Variants in GALNT13 observed in about 807,000 individuals in gnomAD.
GALNT13 encodes polypeptide N-acetylgalactosaminyltransferase 13.
In GALNT13, 28 loss-of-function variants were observed where a neutral mutation model predicts 64.2. The ratio of observed to expected loss-of-function variants is 0.44; its 90% CI spans 0.32 to 0.60. The LOEUF is 0.60. Among genes scored for constraint, GALNT13 ranks in the 20% least tolerant of loss-of-function variants. The pLI is 0.05. For missense variants in GALNT13, 577 were observed against 669.8 expected, an observed-to-expected ratio of 0.86 and a Z score of 1.53; for synonymous variants, 214 against 224.6, an observed-to-expected ratio of 0.95 and a Z score of 0.42.
the GALNT13 span, among the ~76,000 whole-genome samples, chr2:153,670,569 G>A: frequency 1.3e-5 from 2 of 152,160 alleles, no homozygotes; most frequent in East Asian, 3.9e-4. Context: ...AAGACCAAAG[G>A]TAGATAAAAC....
intron 3 of GALNT13, among the ~76,000 whole-genome samples, chr2:154,085,878 A>G (rs1258829066): frequency 5.3e-5 from 8 of 151,966 alleles, no homozygotes; most frequent in East Asian, 1.9e-4. Flanking sequence ...TTCTTGGACA[A>G]CAGAGTGGGG....
the GALNT13 span, among the ~76,000 whole-genome samples, chr2:153,768,920 T>G: frequency 6.6e-6 from 1 of 152,186 alleles, no homozygotes; most frequent in African/African-American, 2.4e-5. Context: ...ATGGCTACTC[T>G]GGCTCATTTC....
intron 2 of GALNT13, among the ~76,000 whole-genome samples, chr2:153,935,433 T>A (rs892177530): frequency 2.0e-5 from 3 of 152,232 alleles, no homozygotes; most frequent in African/African-American, 7.2e-5. Flanking sequence ...TACATTGGTC[T>A]GATTAAGCAT....
At chr2:153,976,147 C>T (rs1694062958) in intron 3 of GALNT13, among the ~76,000 whole-genome samples, 1 of 152,032 alleles carries the variant, frequency 6.6e-6, no homozygotes, top group Non-Finnish European at 1.5e-5. Context: ...ATTGTGTTTA[C>T]AACCTGTAGA....
At chr2:154,138,806 C>G (rs1683096083) in intron 3 of GALNT13, among the ~76,000 whole-genome samples, 1 of 151,882 alleles carries the variant, frequency 6.6e-6, no homozygotes, top group Non-Finnish European at 1.5e-5. Flanking sequence ...ATAACGTCAT[C>G]TGAGTTTAGG....
At chr2:153,134,946 C>A in the GALNT13 span, among the ~76,000 whole-genome samples, 1 of 152,122 alleles carries the variant, frequency 6.6e-6, no homozygotes, top group Non-Finnish European at 1.5e-5. Flanking sequence ...AGAAAGATGA[C>A]AGAAAGAAGA....
At chr2:153,744,251 C>T in the GALNT13 span, among the ~76,000 whole-genome samples, 4 of 152,080 alleles carry the variant, frequency 2.6e-5, no homozygotes, top group Admixed American at 6.6e-5. Flanking sequence ...GAGAAACCTC[C>T]AAACTGCTCT....
the GALNT13 span, among the ~76,000 whole-genome samples, chr2:153,078,817 G>A: frequency 6.6e-6 from 1 of 151,976 alleles, no homozygotes; most frequent in Admixed American, 6.6e-5. Context: ...TAATGAATGG[G>A]TGTTAAAATT....
intron 3 of GALNT13, among the ~76,000 whole-genome samples, chr2:154,131,252 G>T (rs1393571580): frequency 1.3e-5 from 2 of 150,112 alleles, no homozygotes; most frequent in Non-Finnish European, 2.9e-5. Context: ...TTGTATATAA[G>T]AAGCGTATGA....
chr2:153,492,264 ATGAG>A, the GALNT13 span, among the ~76,000 whole-genome samples: 7 of 152,238 alleles, frequency 4.6e-5, no homozygotes, highest in African/African-American at 9.6e-5. Context: ...ACCCTAAAGT[ATGAG>A]TGAGTAAGGA....
Position 154,186,587 on chromosome 2 carries a change from A to T in GALNT13, c.311+46082A>T, listed in dbSNP as rs116638517. ...AGTACAAATGTCAACTCTGTGACAA[A>T]GGCAAATATCTTAGTTTTGCTTTGA... On this transcript the variant is annotated intron_variant, in intron 4 of 12. Coordinates refer to ENST00000392825, the MANE Select transcript of GALNT13 (RefSeq NM_052917.4). Among the ~76,000 whole-genome samples the T allele has an allele frequency of 4.6e-3, 698 of 152,256 alleles. 8 individuals carry two copies. The highest frequency in any genetic ancestry group is 0.016 in the African/African-American group (665 of 41,570).
chr2:153,162,547 G>GC, the GALNT13 span, among the ~76,000 whole-genome samples: 1 of 152,096 alleles, frequency 6.6e-6, no homozygotes, highest in Admixed American at 6.5e-5. Flanking sequence ...CAAGAAGTCA[G>GC]CCCCCCTGGG....
At chr2:153,303,533 C>T in the GALNT13 span, among the ~76,000 whole-genome samples, 1 of 151,992 alleles carries the variant, frequency 6.6e-6, no homozygotes, top group Non-Finnish European at 1.5e-5. Flanking sequence ...ATTTAGATAC[C>T]TTTTGTTTCT....
intron 3 of GALNT13, among the ~76,000 whole-genome samples, chr2:154,130,459 T>C (rs1558975030): frequency 6.6e-6 from 1 of 152,182 alleles, no homozygotes; most frequent in East Asian, 1.9e-4. Context: ...TAAAATACTT[T>C]AGAGTATTTG....
At chr2:153,713,057 G>A in the GALNT13 span, among the ~76,000 whole-genome samples, 1 of 152,138 alleles carries the variant, frequency 6.6e-6, no homozygotes, top group Non-Finnish European at 1.5e-5. Context: ...CAATATATAG[G>A]TGAGTCACTT....
the GALNT13 span, among the ~76,000 whole-genome samples, chr2:153,245,180 C>G: frequency 6.6e-6 from 1 of 152,264 alleles, no homozygotes; most frequent in Non-Finnish European, 1.5e-5. Context: ...CAGAAAGGGA[C>G]AGCTGTGGGC....
chr2:153,883,550 C>G (rs919151499), intron 1 of GALNT13, among the ~76,000 whole-genome samples: 1 of 151,900 alleles, frequency 6.6e-6, no homozygotes, highest in Non-Finnish European at 1.5e-5. Context: ...CCTCAGCAAA[C>G]TATGGTTAAG....
the GALNT13 span, among the ~76,000 whole-genome samples, chr2:153,771,204 C>G: frequency 6.6e-6 from 1 of 152,182 alleles, no homozygotes; most frequent in Non-Finnish European, 1.5e-5. Context: ...ACTTAAGTTC[C>G]TAATCTGGTT....
the GALNT13 span, among the ~76,000 whole-genome samples, chr2:153,164,812 C>T: frequency 6.6e-6 from 1 of 152,124 alleles, no homozygotes; most frequent in Non-Finnish European, 1.5e-5. Flanking sequence ...ACTTTGTACT[C>T]ATTGTGCACC....
Sources: gnomAD v4.1 joint callset for allele counts (sites outside exome capture counted in the v4.1 genomes callset) on GRCh38, gnomAD v4.1.1 for gene constraint, MANE v1.5 for transcripts, NCBI Gene and HGNC (gene_info 2026-07-23, HGNC 2026-07-21) for gene names.